The following ANKRD44 variants were observed in gnomAD, a reference collection of about 807,000 sequenced individuals.
ANKRD44 encodes the protein ankyrin repeat domain 44, also known as serine/threonine-protein phosphatase 6 regulatory ankyrin repeat subunit B.
ANKRD44 carries 35 observed loss-of-function variants against 116.0 expected under a neutral mutation model. That is an observed-to-expected ratio of 0.30 (90% CI 0.23 to 0.40). ANKRD44 has a LOEUF of 0.40. ANKRD44 is among the 10% of genes least tolerant of loss of function. The pLI is 1.00. For missense variants in ANKRD44, 1,014 were observed against 1,242.6 expected (o/e 0.82, Z 2.77); for synonymous variants, 435 against 461.8 (o/e 0.94, Z 0.74).
chr2:197,286,106 T>C (rs2083400344), intron 1 of ANKRD44, among the ~76,000 whole-genome samples: 1 of 152,198 alleles, frequency 6.6e-6, no homozygotes, highest in Non-Finnish European at 1.5e-5. Context: ...GTGTAGTCAT[T>C]TGCTGCTCTA....
At chr2:197,026,968 A>G (rs374710250) in intron 16 of ANKRD44, among the ~76,000 whole-genome samples, 20 of 152,208 alleles carry the variant, frequency 1.3e-4, no homozygotes, top group African/African-American at 4.8e-4. Flanking sequence ...AGGTACCATG[A>G]CCTGAGATGA....
At chr2:197,176,619 A>G (rs561478862) in intron 2 of ANKRD44, among the ~76,000 whole-genome samples, 1 of 152,316 alleles carries the variant, frequency 6.6e-6, no homozygotes, top group East Asian at 1.9e-4. Flanking sequence ...TCTGGACATG[A>G]GCTTGTAGGA....
intron 1 of ANKRD44, among the ~76,000 whole-genome samples, chr2:197,294,175 T>G (rs1444496665): frequency 1.3e-5 from 2 of 152,222 alleles, no homozygotes; most frequent in Non-Finnish European, 2.9e-5. Context: ...CCAGACAGCT[T>G]AGGTACTCGG....
intron 1 of ANKRD44, among the ~76,000 whole-genome samples, chr2:197,200,106 C>T (rs1234748347): frequency 1.3e-5 from 2 of 152,140 alleles, no homozygotes; most frequent in African/African-American, 4.8e-5. Context: ...TAAGCCTAAC[C>T]CACACAAAAC....
chr2:197,168,852 A>G (rs1429988256), intron 2 of ANKRD44, among the ~76,000 whole-genome samples: 2 of 152,172 alleles, frequency 1.3e-5, no homozygotes, highest in African/African-American at 2.4e-5. Context: ...ACATGGCGTC[A>G]TGGCCACTGC....
chr2:197,215,365 T>G (rs1376568320), intron 1 of ANKRD44, among the ~76,000 whole-genome samples: 1 of 152,222 alleles, frequency 6.6e-6, no homozygotes, highest in Non-Finnish European at 1.5e-5. Context: ...AAGGCTATTT[T>G]GCATGTCATT....
In ANKRD44 at chr2:197,118,267, A is replaced by C. The variant is rs570399114; in HGVS notation, c.906+3065T>G. ...TTTTTAAAATTCTCATTGTATCACA[A>C]TCAGAAGACTAAAGCAAATACACAA... On this transcript the variant is annotated intron_variant, in intron 8 of 27. Transcript: ENST00000282272. Among the ~76,000 whole-genome samples, 31 of 151,506 alleles carry C rather than the reference A, an allele frequency of 2.0e-4. No individual in the cohort carries two copies. In the South Asian group the frequency reaches 6.5e-3, roughly 32 times the overall value.
intron 8 of ANKRD44, among the ~76,000 whole-genome samples, chr2:197,118,643 G>GAAAGAAAGAAAGAAAA (rs1553512594): frequency 0.024 from 3,462 of 147,306 alleles, 54 homozygotes; most frequent in Middle Eastern, 0.035. Flanking sequence ...GAGAGAGAAA[G>GAAAGAAAGAAAGAAAA]AAAGAAAGAA....
At chr2:197,235,344 C>T (rs1265188040) in intron 1 of ANKRD44, among the ~76,000 whole-genome samples, 1 of 152,098 alleles carries the variant, frequency 6.6e-6, no homozygotes, top group Admixed American at 6.6e-5. Flanking sequence ...CAGCCAGGCA[C>T]GGTGGCTCAC....
At chr2:196,973,582 C>T (rs1327089450) in intron 21 of ANKRD44, among the ~76,000 whole-genome samples, 1 of 152,092 alleles carries the variant, frequency 6.6e-6, no homozygotes, top group Non-Finnish European at 1.5e-5. Context: ...CCTTTTCATC[C>T]CTAACCCTGG....
At chr2:197,006,172 G>A (rs1453890347) in intron 20 of ANKRD44, among the ~76,000 whole-genome samples, 1 of 152,160 alleles carries the variant, frequency 6.6e-6, no homozygotes, top group Non-Finnish European at 1.5e-5. Context: ...GCCGGGCGTG[G>A]TGGCTCACGC....
chr2:197,285,739 C>T (rs536409751), intron 1 of ANKRD44, among the ~76,000 whole-genome samples: 2 of 151,886 alleles, frequency 1.3e-5, no homozygotes, highest in East Asian at 1.9e-4. Context: ...TGCAGAAAAA[C>T]AAAAAGGAAA....
chr2:197,025,168 G>C (rs775616725), intron 17 of ANKRD44, 28 bp downstream of exon 17: 1 of 1,596,666 alleles, frequency 6.3e-7, no homozygotes, highest in Non-Finnish European at 8.6e-7. Context: ...TTTGTAACAG[G>C]TGAAGCTGCT....
downstream of ANKRD44, among the ~76,000 whole-genome samples, chr2:196,982,127 T>TATATATATATATATATATATATAG (rs2075806260): frequency 6.9e-6 from 1 of 144,416 alleles, no homozygotes; most frequent in Non-Finnish European, 1.5e-5. Flanking sequence ...TATATATATA[T>TATATATATATATATATATATATAG]ATGCAGAGAC....
chr2:196,982,108 T>TTTTATATATATATA (rs150861089), downstream of ANKRD44, among the ~76,000 whole-genome samples: 7,644 of 96,378 alleles, frequency 0.079, 621 homozygotes, highest in Admixed American at 0.11. Context: ...CTAAAAAAAA[T>TTTTATATATATATA]TATATATATA....
At chr2:197,115,430 T>C (rs2078684391) in intron 8 of ANKRD44, among the ~76,000 whole-genome samples, 2 of 152,258 alleles carry the variant, frequency 1.3e-5, no homozygotes, top group African/African-American at 2.4e-5. Flanking sequence ...CAGTAAAGTA[T>C]ATCTTTATTT....
chr2:197,069,651 T>C (rs947933143), intron 16 of ANKRD44, among the ~76,000 whole-genome samples: 1 of 152,152 alleles, frequency 6.6e-6, no homozygotes, highest in African/African-American at 2.4e-5. Context: ...ATATATATTA[T>C]ATATTCAAGC....
chr2:197,159,902 G>T (rs2712880), intron 2 of ANKRD44, among the ~76,000 whole-genome samples: 140,742 of 152,246 alleles, frequency 0.92, 65,982 homozygotes, highest in East Asian at 1. Flanking sequence ...AACACCACTA[G>T]GTAAGGCATT....
chr2:197,172,731 A>AT (rs778751556), intron 2 of ANKRD44, among the ~76,000 whole-genome samples: 18 of 152,068 alleles, frequency 1.2e-4, no homozygotes, highest in East Asian at 5.8e-4. Flanking sequence ...CACCCAGCTA[A>AT]TTTTTTGTAT....
Sources: gnomAD v4.1 joint callset for allele counts (sites outside exome capture counted in the v4.1 genomes callset) on GRCh38, gnomAD v4.1.1 for gene constraint, MANE v1.5 for transcripts, NCBI Gene and HGNC (gene_info 2026-07-23, HGNC 2026-07-21) for gene names.